PARD3B: variants seen among roughly 807,000 people sequenced by gnomAD.
The protein encoded by PARD3B is partitioning defective 3 homolog B.
In PARD3B, 103 loss-of-function variants were observed where a neutral mutation model predicts 130.2. The ratio of observed to expected loss-of-function variants is 0.79; its 90% CI spans 0.67 to 0.93. The LOEUF (loss-of-function observed/expected upper bound fraction) is 0.93, where lower values mean the gene tolerates loss of function less well. Ranked by LOEUF, PARD3B falls within the 40% of genes least tolerant of loss-of-function variation. The pLI, the probability that PARD3B is intolerant of heterozygous loss-of-function variation, is 0.00. For synonymous variants in PARD3B, 583 were observed against 553.2 expected (o/e 1.05, Z -0.76); for missense variants, 1,609 against 1,499.2 (o/e 1.07, Z -1.21).
intron 19 of PARD3B, among the ~76,000 whole-genome samples, chr2:205,430,331 G>A (rs1325380006): frequency 6.6e-6 from 1 of 152,166 alleles, no homozygotes; most frequent in African/African-American, 2.4e-5. Context: ...CTGTTTTAGG[G>A]AGCCACCATT....
intron 1 of PARD3B, among the ~76,000 whole-genome samples, chr2:204,563,894 C>T (rs2031504481): frequency 6.6e-6 from 1 of 152,168 alleles, no homozygotes; most frequent in East Asian, 1.9e-4. Flanking sequence ...CTGCCTCAGC[C>T]TCCCGAGTAG....
chr2:205,052,318 G>A (rs1370027711), intron 4 of PARD3B, among the ~76,000 whole-genome samples: 1 of 151,062 alleles, frequency 6.6e-6, no homozygotes, highest in African/African-American at 2.4e-5. Context: ...GTTGTTCTCA[G>A]AGAGTGAATG....
intron 20 of PARD3B, among the ~76,000 whole-genome samples, chr2:205,499,266 GAGA>G (rs1471066093): frequency 6.6e-6 from 1 of 151,038 alleles, no homozygotes; most frequent in Admixed American, 6.6e-5. Flanking sequence ...AAAGTACAGA[GAGA>G]AGAACTTGGA....
chr2:205,310,456 A>G (rs2042340890), intron 18 of PARD3B, among the ~76,000 whole-genome samples: 1 of 152,068 alleles, frequency 6.6e-6, no homozygotes, highest in Non-Finnish European at 1.5e-5. Flanking sequence ...CCTCCTGTCT[A>G]GCTGAAAGTT....
At position 205,113,265 on chromosome 2, in the gene PARD3B, T is replaced by C. The variant is rs76541959; in HGVS notation, c.594-226T>C. ...GGTAGTCATTTCCATTTGTTCCTCTTCTAGGAGTAAAAGTAAGAAATCAGA... is the reference window on the plus strand; with the variant it reads ...GGTAGTCATTTCCATTTGTTCCTCTCCTAGGAGTAAAAGTAAGAAATCAGA... On this transcript the variant is annotated intron_variant, in intron 5 of 22. Transcript: ENST00000406610. Among the ~76,000 whole-genome samples, 1,064 of 152,304 alleles carry C rather than the reference T, an allele frequency of 7.0e-3. 14 individuals are homozygous for C. Among genetic ancestry groups the C allele is most frequent in the African/African-American group, 0.024 (1,005 of 41,578 alleles).
chr2:205,206,336 A>G (rs2037305468), intron 15 of PARD3B, among the ~76,000 whole-genome samples: 1 of 150,418 alleles, frequency 6.6e-6, no homozygotes, highest in African/African-American at 2.5e-5. Context: ...ATCTAGCATT[A>G]GGTATATCTC....
intron 15 of PARD3B, among the ~76,000 whole-genome samples, chr2:205,198,590 A>T (rs181184684): frequency 2.6e-5 from 4 of 152,188 alleles, no homozygotes; most frequent in African/African-American, 9.6e-5. Flanking sequence ...ACATCTACAA[A>T]GGTAAATATT....
intron 4 of PARD3B, among the ~76,000 whole-genome samples, chr2:205,054,943 C>G (rs1257668135): frequency 6.6e-6 from 1 of 152,114 alleles, no homozygotes; most frequent in Non-Finnish European, 1.5e-5. Flanking sequence ...GCCTTCCTAA[C>G]CCCTGAAGGG....
intron 15 of PARD3B, among the ~76,000 whole-genome samples, chr2:205,199,578 G>A (rs1438717373): frequency 2.0e-5 from 3 of 151,746 alleles, no homozygotes; most frequent in African/African-American, 7.3e-5. Context: ...GAGGAGACTT[G>A]CAAAACCTAG....
intron 2 of PARD3B, among the ~76,000 whole-genome samples, chr2:204,931,674 A>G (rs1688045073): frequency 6.6e-6 from 1 of 151,936 alleles, no homozygotes; most frequent in South Asian, 2.1e-4. Flanking sequence ...AAGATCTTTA[A>G]AATACTACAG....
intron 2 of PARD3B, among the ~76,000 whole-genome samples, chr2:204,850,653 G>T (rs1388930375): frequency 6.6e-6 from 1 of 152,060 alleles, no homozygotes; most frequent in African/African-American, 2.4e-5. Flanking sequence ...GGCAGTGCTG[G>T]CAGGGTTCTC....
intron 21 of PARD3B, among the ~76,000 whole-genome samples, chr2:205,528,963 C>T (rs1387537928): frequency 6.6e-6 from 1 of 151,990 alleles, no homozygotes; most frequent in Non-Finnish European, 1.5e-5. Flanking sequence ...TAGATTAAGT[C>T]AATCTATGTT....
intron 19 of PARD3B, among the ~76,000 whole-genome samples, chr2:205,436,903 G>T (rs1459488558): frequency 3.3e-5 from 5 of 151,754 alleles, no homozygotes; most frequent in Admixed American, 2.6e-4. Flanking sequence ...TCACCTCCAT[G>T]AAGTTTTTTT....
chr2:204,969,974 A>G (rs1252167235), intron 3 of PARD3B, among the ~76,000 whole-genome samples: 1 of 152,032 alleles, frequency 6.6e-6, no homozygotes, highest in Non-Finnish European at 1.5e-5. Flanking sequence ...CAATATACTA[A>G]TGGGATCCAT....
intron 18 of PARD3B, among the ~76,000 whole-genome samples, chr2:205,399,210 C>T (rs548795574): frequency 3.3e-5 from 5 of 151,420 alleles, no homozygotes; most frequent in East Asian, 4.0e-4. Flanking sequence ...GCAGAGGTTG[C>T]AGTGAGCCGA....
At chr2:205,104,203 A>G (rs919084872) in intron 4 of PARD3B, among the ~76,000 whole-genome samples, 6 of 152,200 alleles carry the variant, frequency 3.9e-5, no homozygotes, top group Non-Finnish European at 7.3e-5. Context: ...AACATATTGC[A>G]TTGTGTAGAT....
chr2:205,482,178 T>G (rs569741879), intron 20 of PARD3B, among the ~76,000 whole-genome samples: 2 of 152,274 alleles, frequency 1.3e-5, no homozygotes, highest in South Asian at 2.1e-4. Context: ...AGTGAAAATA[T>G]AGACAAGGAG....
At chr2:204,939,927 G>A (rs977947856) in intron 2 of PARD3B, among the ~76,000 whole-genome samples, 8 of 152,102 alleles carry the variant, frequency 5.3e-5, no homozygotes, top group African/African-American at 1.9e-4. Context: ...TTATACCTGA[G>A]GTTTACTGAT....
chr2:205,479,570 T>C (rs561877824), intron 20 of PARD3B, among the ~76,000 whole-genome samples: 1 of 152,298 alleles, frequency 6.6e-6, no homozygotes, highest in Admixed American at 6.5e-5. Context: ...AGCCTGTGCT[T>C]AGGAAAAAAT....
Sources: allele counts gnomAD v4.1 joint callset (sites outside exome capture counted in the v4.1 genomes callset), GRCh38; gene constraint gnomAD v4.1.1; transcripts MANE v1.5; gene names NCBI Gene and HGNC (gene_info 2026-07-23, HGNC 2026-07-21).